TMCO5A: variants seen among roughly 807,000 people sequenced by gnomAD.
The protein encoded by TMCO5A is transmembrane and coiled-coil domains 5A, also known as transmembrane and coiled-coil domain-containing protein 5A.
TMCO5A carries 34 observed loss-of-function variants against 42.3 expected under a neutral mutation model. The observed-to-expected ratio is 0.80, with a 90% CI of 0.61 to 1.07. TMCO5A has a LOEUF of 1.07. Among genes scored for constraint, TMCO5A ranks in the 50% least tolerant of loss-of-function variants. The probability of loss-of-function intolerance (pLI) is 0.00; values close to 1 mark genes in which losing one functional copy is unlikely to be tolerated. For synonymous variants in TMCO5A, 131 were observed against 115.6 expected (o/e 1.13, Z -0.86); for missense variants, 357 against 327.9 (o/e 1.09, Z -0.69).
the TMCO5A span, among the ~76,000 whole-genome samples, chr15:38,037,239 A>G: frequency 6.6e-6 from 1 of 152,228 alleles, no homozygotes; most frequent in East Asian, 1.9e-4. Context: ...TTTAAGAGGA[A>G]GAAATAAACA....
At chr15:38,009,924 A>G in the TMCO5A span, among the ~76,000 whole-genome samples, 2 of 152,162 alleles carry the variant, frequency 1.3e-5, no homozygotes, top group African/African-American at 4.8e-5. Flanking sequence ...TGCCCCCCCA[A>G]AAATTATTCA....
chr15:37,951,682 A>G (rs925862062), downstream of TMCO5A: 5 of 152,520 alleles, frequency 3.3e-5, no homozygotes, highest in African/African-American at 1.2e-4. Flanking sequence ...TATAAAATAA[A>G]AAGTCTGTGA....
chr15:37,952,190 G>C (rs1890176051), downstream of TMCO5A, among the ~76,000 whole-genome samples: 1 of 152,050 alleles, frequency 6.6e-6, no homozygotes, highest in Non-Finnish European at 1.5e-5. Context: ...GAGTCCTAGT[G>C]CTGCACTAGG....
At chr15:37,996,917 C>T in the TMCO5A span, among the ~76,000 whole-genome samples, 1 of 152,142 alleles carries the variant, frequency 6.6e-6, no homozygotes, top group Non-Finnish European at 1.5e-5. Flanking sequence ...CAACTTTAGC[C>T]CAGCTGCGAA....
the TMCO5A span, among the ~76,000 whole-genome samples, chr15:38,008,667 G>A: frequency 6.6e-6 from 1 of 152,158 alleles, no homozygotes; most frequent in Non-Finnish European, 1.5e-5. Flanking sequence ...TCCACACAGT[G>A]CCAGGCACGA....
the TMCO5A span, among the ~76,000 whole-genome samples, chr15:38,028,196 CCT>C: frequency 2.8e-4 from 42 of 152,218 alleles, no homozygotes; most frequent in Admixed American, 1.2e-3. Flanking sequence ...CACTTAGCCC[CCT>C]GTTTTCACTT....
intron 4 of TMCO5A, 83 bp from the exon 5 acceptor site, chr15:37,937,263 C>A: frequency 1.3e-6 from 2 of 1,489,122 alleles, no homozygotes; most frequent in African/African-American, 1.4e-5. Context: ...GAAAATATAG[C>A]TGGGGTGAAA....
the TMCO5A span, among the ~76,000 whole-genome samples, chr15:38,036,400 C>G: frequency 6.6e-6 from 1 of 152,016 alleles, no homozygotes; most frequent in Non-Finnish European, 1.5e-5. Context: ...CAGAATTCCA[C>G]ACCCAGCCTA....
At chr15:37,988,466 T>C in the TMCO5A span, among the ~76,000 whole-genome samples, 1 of 152,068 alleles carries the variant, frequency 6.6e-6, no homozygotes, top group Non-Finnish European at 1.5e-5. Context: ...CCATTGAGTA[T>C]GATGTTTGCT....
At chr15:37,974,075 G>A in the TMCO5A span, among the ~76,000 whole-genome samples, 7 of 152,126 alleles carry the variant, frequency 4.6e-5, no homozygotes, top group Admixed American at 2.0e-4. Flanking sequence ...ATTGCCTCAC[G>A]TATGTTGAAC....
At chr15:38,014,364 G>A in the TMCO5A span, among the ~76,000 whole-genome samples, 1 of 151,966 alleles carries the variant, frequency 6.6e-6, no homozygotes, top group Non-Finnish European at 1.5e-5. Context: ...ACCAAGATAC[G>A]ATCGATTACA....
At chr15:38,031,760 A>G in the TMCO5A span, among the ~76,000 whole-genome samples, 1 of 152,162 alleles carries the variant, frequency 6.6e-6, no homozygotes, top group Non-Finnish European at 1.5e-5. Context: ...TCCAGAAATG[A>G]TGAGATAATA....
the TMCO5A span, among the ~76,000 whole-genome samples, chr15:38,013,857 A>T: frequency 6.6e-6 from 1 of 152,204 alleles, no homozygotes; most frequent in African/African-American, 2.4e-5. Context: ...GGAGGTCAGA[A>T]ATCAAAAATG....
At chr15:37,959,302 T>C (rs1231520629) in intron 11 of TMCO5A, among the ~76,000 whole-genome samples, 3 of 151,846 alleles carry the variant, frequency 2.0e-5, no homozygotes, top group Admixed American at 1.3e-4. Context: ...ACCAATCCTA[T>C]TCAAACTATT....
At position 37,938,138 on chromosome 15, in the gene TMCO5A, T is replaced by A; in HGVS notation, c.316-20T>A. 4.5e-6 allele frequency: 7 copies of A among 1,551,428 alleles called. No homozygotes were observed. The highest frequency in any genetic ancestry group is 6.1e-6 in the Non-Finnish European group (7 of 1,144,156). On this transcript the variant is annotated intron_variant, in intron 5 of 11. Transcript: ENST00000319669. ...CTTCTACACCTTTTAATTTAGTATA[T>A]TTTTTATTTGAAACTATAGCTTACA...
At chr15:38,016,362 C>T in the TMCO5A span, among the ~76,000 whole-genome samples, 1 of 152,124 alleles carries the variant, frequency 6.6e-6, no homozygotes, top group African/African-American at 2.4e-5. Flanking sequence ...AATCGAAAAC[C>T]TGTCAGTGTA....
chr15:37,993,308 C>G, the TMCO5A span: 23 of 150,990 alleles, frequency 1.5e-4, no homozygotes, highest in East Asian at 4.3e-3. Context: ...AATTGAACAT[C>G]TGGATTATAA....
At chr15:37,942,010 C>T (rs552033858) in intron 8 of TMCO5A, among the ~76,000 whole-genome samples, 181 bp from the exon 9 acceptor site, 2 of 152,170 alleles carry the variant, frequency 1.3e-5, no homozygotes, top group Non-Finnish European at 2.9e-5. Context: ...GAAACCTGTC[C>T]AGTGGTAAGG....
At chr15:37,938,040 C>G in intron 5 of TMCO5A, 118 bp from the exon 6 acceptor site, 1 of 826,780 alleles carries the variant, frequency 1.2e-6, no homozygotes, top group Non-Finnish European at 1.9e-6. Flanking sequence ...AAATATCTAC[C>G]AAAGGACCAT....
Sources: allele counts gnomAD v4.1 joint callset (sites outside exome capture counted in the v4.1 genomes callset), GRCh38; gene constraint gnomAD v4.1.1; transcripts MANE v1.5; gene names NCBI Gene and HGNC (gene_info 2026-07-23, HGNC 2026-07-21).